RBFOX1: variants seen among roughly 807,000 people sequenced by gnomAD.
RBFOX1 encodes RNA binding protein fox-1 homolog 1.
RBFOX1 carries 8 observed loss-of-function variants against 57.7 expected under a neutral mutation model. The ratio of observed to expected loss-of-function variants is 0.14; its 90% CI spans 0.08 to 0.25. The LOEUF is 0.25. Among genes scored for constraint, RBFOX1 ranks in the 10% least tolerant of loss-of-function variants. The probability of loss-of-function intolerance (pLI) is 1.00; values close to 1 mark genes in which losing one functional copy is unlikely to be tolerated. For missense variants in RBFOX1, 611 were observed against 548.5 expected (o/e 1.11, Z -1.14); for synonymous variants, 326 against 222.4 (o/e 1.47, Z -4.15).
At chr16:6,944,521 C>G (rs562808872) in intron 3 of RBFOX1, among the ~76,000 whole-genome samples, 2 of 152,172 alleles carry the variant, frequency 1.3e-5, no homozygotes, top group Non-Finnish European at 1.5e-5. Flanking sequence ...GTGATAGTAA[C>G]CAGAAGTGGT....
At chr16:7,243,708 A>G (rs1297676439) in intron 4 of RBFOX1, among the ~76,000 whole-genome samples, 1 of 152,036 alleles carries the variant, frequency 6.6e-6, no homozygotes, top group Non-Finnish European at 1.5e-5. Flanking sequence ...CATCACATCC[A>G]GCTAATTTTA....
chr16:7,534,368 C>G (rs10459828), intron 5 of RBFOX1, among the ~76,000 whole-genome samples: 6,306 of 152,090 alleles, frequency 0.041, 195 homozygotes, highest in East Asian at 0.12. Context: ...GCTGGGATTA[C>G]AGGCATGAAC....
chr16:6,949,792 TCTG>T (rs1438665687), intron 3 of RBFOX1, among the ~76,000 whole-genome samples: 1 of 147,794 alleles, frequency 6.8e-6, no homozygotes, highest in African/African-American at 2.4e-5. Flanking sequence ...TTCATTTTCT[TCTG>T]AATTTTTTTT....
chr16:6,586,762 G>C (rs759441327), intron 2 of RBFOX1, among the ~76,000 whole-genome samples: 4 of 152,064 alleles, frequency 2.6e-5, no homozygotes, highest in South Asian at 2.1e-4. Context: ...GATAAGTCCC[G>C]GCCAGATCTC....
chr16:7,041,218 G>A (rs907621994), intron 3 of RBFOX1, among the ~76,000 whole-genome samples: 1 of 151,276 alleles, frequency 6.6e-6, no homozygotes, highest in African/African-American at 2.4e-5. Context: ...ACAGGTGTGA[G>A]CCACCACATC....
rs1421285432 is a variant in RBFOX1, at chr16:6,848,407, CTTT to C, written c.-16+193758_-16+193760del. On this transcript the variant is annotated intron_variant, in intron 3 of 15. Coordinates refer to ENST00000550418, the MANE Select transcript of RBFOX1 (RefSeq NM_018723.4). The stretch of plus-strand genomic sequence containing the variant: ...ACTAATACAAAGTTTTATGAAAATG[CTTT>C]GCATGCCAAACAAACACTTCTGTTG... 6.6e-5 allele frequency among the ~76,000 whole-genome samples: 10 copies of C among 152,198 alleles called. No homozygotes were observed. The East Asian group carries it at 1.4e-3, about 21-fold the overall frequency.
intron 3 of RBFOX1, among the ~76,000 whole-genome samples, chr16:5,865,764 A>G (rs908855267): frequency 2.0e-5 from 3 of 152,172 alleles, no homozygotes; most frequent in African/African-American, 7.2e-5. Context: ...CAACAGGAAT[A>G]TATTTCTCAT....
At chr16:6,800,280 C>A (rs115892222) in intron 3 of RBFOX1, among the ~76,000 whole-genome samples, 2,029 of 150,558 alleles carry the variant, frequency 0.013, 46 homozygotes, top group African/African-American at 0.048. Context: ...AACCCAGCAC[C>A]CTGGAAACAC....
chr16:7,263,493 T>C (rs2095003658), intron 4 of RBFOX1, among the ~76,000 whole-genome samples: 1 of 152,136 alleles, frequency 6.6e-6, no homozygotes, highest in Admixed American at 6.5e-5. Context: ...GTCTCTGGAT[T>C]TGGAGCCAGA....
At chr16:7,645,091 A>G (rs1455954018) in intron 11 of RBFOX1, among the ~76,000 whole-genome samples, 1 of 152,150 alleles carries the variant, frequency 6.6e-6, no homozygotes, top group Non-Finnish European at 1.5e-5. Flanking sequence ...CGTTGTCACC[A>G]TCTTTTTTTT....
At chr16:6,312,573 G>C (rs923356502) in intron 1 of RBFOX1, among the ~76,000 whole-genome samples, 17 of 152,156 alleles carry the variant, frequency 1.1e-4, no homozygotes, top group Non-Finnish European at 2.9e-5. Context: ...GCTAGACAGA[G>C]ATGGGGAAGG....
chr16:6,794,586 T>A (rs2083590845), intron 3 of RBFOX1, among the ~76,000 whole-genome samples: 2 of 152,130 alleles, frequency 1.3e-5, no homozygotes, highest in Non-Finnish European at 1.5e-5. Flanking sequence ...AGCAGAAAAC[T>A]CATTCAGTGA....
chr16:7,394,568 T>C (rs377277492), intron 4 of RBFOX1, among the ~76,000 whole-genome samples: 1 of 152,110 alleles, frequency 6.6e-6, no homozygotes, highest in East Asian at 1.9e-4. Context: ...ATTTATCCAT[T>C]CCTCTTGGGG....
intron 1 of RBFOX1, among the ~76,000 whole-genome samples, chr16:5,313,435 T>C (rs1359274360): frequency 6.6e-6 from 1 of 152,200 alleles, no homozygotes; most frequent in Non-Finnish European, 1.5e-5. Flanking sequence ...CCAGGTCCTT[T>C]CCTGTAGAAC....
At chr16:6,255,199 A>G (rs1418676240) in intron 1 of RBFOX1, among the ~76,000 whole-genome samples, 1 of 152,046 alleles carries the variant, frequency 6.6e-6, no homozygotes. Flanking sequence ...TGGTTTAATC[A>G]CCCCATTTGC....
chr16:6,949,449 A>G (rs950133535), intron 3 of RBFOX1, among the ~76,000 whole-genome samples: 2 of 152,186 alleles, frequency 1.3e-5, no homozygotes, highest in African/African-American at 4.8e-5. Flanking sequence ...TGCGTAAGCA[A>G]CACAGATTTG....
At chr16:7,184,036 G>T (rs2083244298) in intron 4 of RBFOX1, among the ~76,000 whole-genome samples, 1 of 152,192 alleles carries the variant, frequency 6.6e-6, no homozygotes, top group Non-Finnish European at 1.5e-5. Flanking sequence ...GCTGGAGGTG[G>T]CCTAAAGCCC....
chr16:5,979,506 G>A, intron 4 of RBFOX1, among the ~76,000 whole-genome samples: 1 of 152,208 alleles, frequency 6.6e-6, no homozygotes, highest in East Asian at 1.9e-4. Context: ...TATGAGGATA[G>A]TTTATATGTA....
chr16:7,270,728 T>A (rs2095298174), intron 4 of RBFOX1, among the ~76,000 whole-genome samples: 1 of 152,252 alleles, frequency 6.6e-6, no homozygotes. Context: ...TTTCAGTAAT[T>A]GACTGCATCT....
Sources: allele counts gnomAD v4.1 joint callset (sites outside exome capture counted in the v4.1 genomes callset), GRCh38; gene constraint gnomAD v4.1.1; transcripts MANE v1.5; gene names NCBI Gene and HGNC (gene_info 2026-07-23, HGNC 2026-07-21).